PDPR: variants seen among roughly 807,000 people sequenced by gnomAD.
PDPR encodes pyruvate dehydrogenase phosphatase regulatory subunit, mitochondrial.
PDPR carries 50 observed loss-of-function variants against 102.2 expected under a neutral mutation model. That is an observed-to-expected ratio of 0.49 (90% CI 0.39 to 0.62). The LOEUF (loss-of-function observed/expected upper bound fraction) is 0.62, where lower values mean the gene tolerates loss of function less well. PDPR is among the 20% of genes least tolerant of loss of function. The probability of loss-of-function intolerance (pLI) is 0.00; values close to 1 mark genes in which losing one functional copy is unlikely to be tolerated. For synonymous variants in PDPR, 259 were observed against 406.0 expected (o/e 0.64, Z 4.35); for missense variants, 625 against 1,098.2 (o/e 0.57, Z 6.09).
chr16:70,141,940 A>G (rs1178317564), intron 11 of PDPR, among the ~76,000 whole-genome samples: 2 of 152,254 alleles, frequency 1.3e-5, no homozygotes, highest in Non-Finnish European at 2.9e-5. Flanking sequence ...TCTCTACTAA[A>G]AATACAAAAA....
At position 70,160,363 on chromosome 16, in the gene PDPR, T is replaced by C. The variant is rs1967664093; in HGVS notation, c.*3484T>C. 4 of 153,020 alleles carry C rather than the reference T, an allele frequency of 2.6e-5. No individual in the cohort carries two copies. The South Asian group carries it at 8.3e-4, about 32-fold the overall frequency. 9.5% of individuals were successfully genotyped at this position (153,020 alleles called of 1,614,324 possible). On this transcript the variant is annotated 3_prime_UTR_variant, in exon 19 of 19. Transcript: ENST00000288050. ...AACTGCTGAGCTGGGCCATTTGATC[T>C]CCTTTCACCTTGCATTGCTGTCACA...
intron 11 of PDPR, among the ~76,000 whole-genome samples, chr16:70,139,623 A>C (rs1965510879): frequency 1.3e-5 from 2 of 152,276 alleles, no homozygotes; most frequent in African/African-American, 4.8e-5. Flanking sequence ...TCAACTTTGA[A>C]GGATTGGCCA....
chr16:70,126,065 T>A (rs1183636578), intron 3 of PDPR, among the ~76,000 whole-genome samples: 1 of 152,286 alleles, frequency 6.6e-6, no homozygotes, highest in Non-Finnish European at 1.5e-5. Flanking sequence ...TTTATTATAT[T>A]TTTTCTCTTT....
At chr16:70,154,007 G>A (rs934886319) in intron 18 of PDPR, among the ~76,000 whole-genome samples, 20 of 152,370 alleles carry the variant, frequency 1.3e-4, no homozygotes, top group East Asian at 3.9e-4. Flanking sequence ...GTGAAACCCC[G>A]TCTCTACTAA....
chr16:70,121,245 T>C (rs1963234856), intron 3 of PDPR, among the ~76,000 whole-genome samples: 1 of 152,118 alleles, frequency 6.6e-6, no homozygotes. Flanking sequence ...TTCTCTGTGC[T>C]CGCCTTCTTT....
At chr16:70,114,541 G>C (rs946502292) in intron 1 of PDPR, 101 bp downstream of exon 1, 3 of 152,240 alleles carry the variant, frequency 2.0e-5, no homozygotes, top group Non-Finnish European at 2.9e-5. Flanking sequence ...GTTTCGCCCG[G>C]GGGTGGTCCC....
At position 70,153,424 on chromosome 16, in the gene PDPR, G is replaced by A; in HGVS notation, c.2086G>A (p.Val696Ile). ...GCATGTATACAATGAAGTGATGAGT[G>A]TTGGCCAGAAATACGGAATCCGGAA... ...ALHVYNEVMS[V>I]GQKYGIRNAG... is the part of the protein sequence containing the mutation. Residue 696 changes from valine (V) to isoleucine (I), a missense_variant, in exon 18 of 19, where the codon GTT becomes ATT. Coordinates refer to ENST00000288050, the MANE Select transcript of PDPR (RefSeq NM_017990.5). 1.2e-6 allele frequency: 2 copies of A among 1,613,936 alleles called. No individual in the cohort carries two copies. Among genetic ancestry groups the A allele is most frequent in the South Asian group, 1.1e-5 (1 of 91,048 alleles).
chr16:70,129,391 C>T (rs1170518964), intron 6 of PDPR, among the ~76,000 whole-genome samples: 1 of 152,282 alleles, frequency 6.6e-6, no homozygotes, highest in Non-Finnish European at 1.5e-5. Context: ...TTCGCCCAGG[C>T]TGGAGTGCAA....
intron 2 of PDPR, among the ~76,000 whole-genome samples, chr16:70,119,924 G>GTT (rs1173464927): frequency 7.0e-6 from 1 of 143,864 alleles, no homozygotes; most frequent in African/African-American, 2.8e-5. Context: ...TTGTTTGTTT[G>GTT]TTTTTTTTTT....
chr16:70,146,450 C>T (rs543777463), intron 16 of PDPR, among the ~76,000 whole-genome samples: 1 of 143,144 alleles, frequency 7.0e-6, no homozygotes, highest in East Asian at 2.1e-4. Context: ...GAGACCCTGT[C>T]TCTGTTAAAA....
At chr16:70,154,889 T>C (rs190192422) in intron 18 of PDPR, among the ~76,000 whole-genome samples, 55 of 152,316 alleles carry the variant, frequency 3.6e-4, no homozygotes, top group South Asian at 8.3e-4. Context: ...TCCGCCCTCC[T>C]CGGCCTCCCA....
At chr16:70,125,729 G>A (rs1215246891) in intron 3 of PDPR, among the ~76,000 whole-genome samples, 1 of 152,088 alleles carries the variant, frequency 6.6e-6, no homozygotes, top group Non-Finnish European at 1.5e-5. Flanking sequence ...TGCCTCCTGG[G>A]TTCAGGCGAT....
At chr16:70,147,668 T>G (rs1485870192) in intron 16 of PDPR, 1 of 452,762 alleles carries the variant, frequency 2.2e-6, no homozygotes, top group African/African-American at 2.0e-5. Flanking sequence ...AACGAGCAAC[T>G]TCCAGGTGGT....
intron 10 of PDPR, among the ~76,000 whole-genome samples, chr16:70,137,509 G>C (rs1001023572): frequency 1.3e-5 from 2 of 152,370 alleles, no homozygotes; most frequent in South Asian, 2.1e-4. Flanking sequence ...TGCCAGAGGC[G>C]GGGGAGGGGA....
At chr16:70,133,420 C>CTTTTTTTTTTTTT (rs1964749817) in intron 9 of PDPR, among the ~76,000 whole-genome samples, 1 of 76,770 alleles carries the variant, frequency 1.3e-5, no homozygotes, top group African/African-American at 6.7e-5. Flanking sequence ...CTGCGTCTGG[C>CTTTTTTTTTTTTT]CTTTTTTTTT....
At chr16:70,156,151 C>T (rs1387604664) in intron 18 of PDPR, among the ~76,000 whole-genome samples, 1 of 152,284 alleles carries the variant, frequency 6.6e-6, no homozygotes, top group Non-Finnish European at 1.5e-5. Flanking sequence ...TTCTAAAGTA[C>T]TGGACTGATA....
At chr16:70,156,420 CTG>C in intron 18 of PDPR, 53 bp from the exon 19 acceptor site, 1 of 1,593,002 alleles carries the variant, frequency 6.3e-7, no homozygotes, top group African/African-American at 1.3e-5. Flanking sequence ...GTGCTGCTCT[CTG>C]TGCCGAGGGT....
rs531348672 is a variant in PDPR at position 70,121,100 on chromosome 16, C to G, written c.227+381C>G. Among the ~76,000 whole-genome samples, 3 of 152,020 alleles carry G rather than the reference C, an allele frequency of 2.0e-5. No individual in the cohort carries two copies. In the South Asian group the frequency reaches 6.2e-4, roughly 32 times the overall value. The stretch of plus-strand genomic sequence containing the variant: ...CCACTGTACCCAGCAACATTTTAGA[C>G]TTTGACAAAAATTTGCGTTTGTAAA... On this transcript the variant is annotated intron_variant, in intron 3 of 18. Transcript: ENST00000288050.
At chr16:70,130,298 TAAAA>T in intron 6 of PDPR, 121 bp from the exon 7 acceptor site, 5 of 1,170,660 alleles carry the variant, frequency 4.3e-6, no homozygotes, top group South Asian at 3.3e-5. Flanking sequence ...AAAAATAAAA[TAAAA>T]AAATAAATTA....
Sources: allele counts gnomAD v4.1 joint callset (sites outside exome capture counted in the v4.1 genomes callset), GRCh38; gene constraint gnomAD v4.1.1; transcripts MANE v1.5; gene names NCBI Gene and HGNC (gene_info 2026-07-23, HGNC 2026-07-21).